Variants in FBRSL1 observed in about 807,000 individuals in gnomAD.
FBRSL1 encodes the protein fibrosin-1-like protein.
In FBRSL1, 51 loss-of-function variants were observed where a neutral mutation model predicts 89.6. That is an observed-to-expected ratio of 0.57 (90% CI 0.45 to 0.72). The LOEUF (loss-of-function observed/expected upper bound fraction) is 0.72, where lower values mean the gene tolerates loss of function less well. Among genes scored for constraint, FBRSL1 ranks in the 30% least tolerant of loss-of-function variants. FBRSL1 has a pLI of 0.00. For synonymous variants in FBRSL1, 779 were observed against 681.1 expected (o/e 1.14, Z -2.24); for missense variants, 1,618 against 1,451.8 (o/e 1.11, Z -1.86).
Position 132,581,512 on chromosome 12 carries a change from G to C in FBRSL1, c.1908G>C (p.Leu636=). 6.4e-7 allele frequency: 1 copy of C among 1,550,986 alleles called. No individual in the cohort carries two copies. The highest frequency in any genetic ancestry group is 1.2e-5 in the South Asian group (1 of 84,068). The change falls in exon 16 of 19, where the codon CTG becomes CTC. Residue 636 remains leucine, a synonymous_variant. Coordinates refer to ENST00000680143, the MANE Select transcript of FBRSL1 (RefSeq NM_001367871.1). ...GCAGCTTCCTGCCCACTGGCCCCCT[G>C]ACAGGTGGGTGTCTCTGAATTCAGC... The part of the protein sequence containing the change: ...HPGSFLPTGP[L]TDPFSRPSTF...
In FBRSL1 at chr12:132,524,336, C is replaced by T. The variant is rs373581247; in HGVS notation, c.490-1398C>T. ...GGGCCTCCTCCAGTGTGGGTGCCTG[C>T]TACTGTGCGGCTTGATGGACCTCAT... On this transcript the variant is annotated intron_variant, in intron 2 of 18. Coordinates refer to ENST00000680143, the MANE Select transcript of FBRSL1 (RefSeq NM_001367871.1). Among the ~76,000 whole-genome samples the T allele has an allele frequency of 2.9e-3, 438 of 152,372 alleles. 1 individual carries two copies. The highest frequency in any genetic ancestry group is 9.8e-3 in the African/African-American group (407 of 41,600).
intron 2 of FBRSL1, among the ~76,000 whole-genome samples, chr12:132,516,255 A>G (rs746718751): frequency 1.3e-5 from 2 of 151,516 alleles, no homozygotes; most frequent in African/African-American, 4.9e-5. Context: ...CAGTGGCACA[A>G]TGTTGCGCAA....
At chr12:132,510,351 C>T (rs1476269899) in intron 2 of FBRSL1, 6 of 1,231,712 alleles carry the variant, frequency 4.9e-6, no homozygotes, top group African/African-American at 4.7e-5. Flanking sequence ...GCTCCTGGCC[C>T]TGGGCCATCC....
chr12:132,498,805 C>T (rs2032487168), intron 1 of FBRSL1, among the ~76,000 whole-genome samples: 1 of 152,182 alleles, frequency 6.6e-6, no homozygotes, highest in Non-Finnish European at 1.5e-5. Context: ...GCTGGTGTCC[C>T]CGTGGGCCAG....
chr12:132,569,771 G>T (rs1020676982), intron 6 of FBRSL1, among the ~76,000 whole-genome samples, 155 bp from the exon 7 acceptor site: 2 of 152,156 alleles, frequency 1.3e-5, no homozygotes, highest in African/African-American at 2.4e-5. Context: ...CCAGCTAGCT[G>T]TGTGGCCTCC....
In FBRSL1 at chr12:132,507,601, G is replaced by C. The variant is rs935984735; in HGVS notation, c.292-552G>C. On this transcript the variant is annotated intron_variant, in intron 1 of 18. Coordinates refer to ENST00000680143, the MANE Select transcript of FBRSL1 (RefSeq NM_001367871.1). ...TGTCCCCAGGGTCTGGTAGCCCAAA[G>C]GTGAACACGGGGAAGCATCTCTGTC... Among the ~76,000 whole-genome samples the C allele has an allele frequency of 2.0e-5, 3 of 152,246 alleles. No individual in the cohort carries two copies. In the East Asian group the frequency reaches 5.8e-4, roughly 29 times the overall value.
chr12:132,573,667 A>AG (rs11290044), intron 11 of FBRSL1, among the ~76,000 whole-genome samples: 13 of 151,842 alleles, frequency 8.6e-5, no homozygotes, highest in African/African-American at 3.1e-4. Context: ...TCTGGGGAGG[A>AG]GGGGGCTGTG....
chr12:132,503,984 A>G (rs2033358245), intron 1 of FBRSL1, among the ~76,000 whole-genome samples: 1 of 151,856 alleles, frequency 6.6e-6, no homozygotes, highest in African/African-American at 2.4e-5. Context: ...CCCCATGGAG[A>G]GCAGCTTCTG....
At chr12:132,562,929 A>G (rs977080203) in intron 5 of FBRSL1, among the ~76,000 whole-genome samples, 1 of 152,020 alleles carries the variant, frequency 6.6e-6, no homozygotes, top group African/African-American at 2.4e-5. Flanking sequence ...ATCTGTCTGG[A>G]ATTATTTTCA....
intron 14 of FBRSL1, among the ~76,000 whole-genome samples, chr12:132,576,216 A>T (rs1490289801): frequency 7.9e-6 from 1 of 126,342 alleles, no homozygotes; most frequent in Non-Finnish European, 1.7e-5. Context: ...TTCTTGAGAT[A>T]GAGTCTCGCT....
Position 132,564,775 on chromosome 12 carries a change from G to A in FBRSL1, c.646-2706G>A, listed in dbSNP as rs1016844310. On this transcript the variant is annotated intron_variant, in intron 5 of 18. Transcript: ENST00000680143. Reference sequence around the variant, plus strand: ...CTCCCGAGTAGCTGGGACTACAGGCGCCCGCCACCACGCCCGGCTAATTTT... The same window carrying A: ...CTCCCGAGTAGCTGGGACTACAGGCACCCGCCACCACGCCCGGCTAATTTT... Among the ~76,000 whole-genome samples the A allele has an allele frequency of 5.4e-5, 6 of 110,114 alleles. 1 individual carries two copies. The highest frequency in any genetic ancestry group is 8.7e-5 in the Non-Finnish European group (5 of 57,304). 72.2% of individuals were successfully genotyped at this position (110,114 alleles called of 152,430 possible). A position where few individuals can be genotyped will look rare whatever the true frequency, so the allele number is the denominator to read the frequency against.
intron 2 of FBRSL1, among the ~76,000 whole-genome samples, chr12:132,508,705 G>A (rs933124992): frequency 1.1e-4 from 17 of 152,376 alleles, no homozygotes; most frequent in African/African-American, 3.8e-4. Context: ...TGTCTATAAG[G>A]AGGGGGTCCA....
chr12:132,558,033 C>T (rs1271857060), intron 5 of FBRSL1, among the ~76,000 whole-genome samples: 1 of 142,560 alleles, frequency 7.0e-6, no homozygotes, highest in African/African-American at 2.5e-5. Context: ...CCTCCCCTCC[C>T]CCCGCCCGTT....
intron 4 of FBRSL1, among the ~76,000 whole-genome samples, chr12:132,547,081 T>C (rs1263605977): frequency 6.6e-6 from 1 of 152,178 alleles, no homozygotes; most frequent in Non-Finnish European, 1.5e-5. Flanking sequence ...AGGGGATTTT[T>C]CCCCTTTTGA....
chr12:132,526,956 G>A (rs1334153683), intron 3 of FBRSL1, among the ~76,000 whole-genome samples: 4 of 152,154 alleles, frequency 2.6e-5, no homozygotes, highest in African/African-American at 9.7e-5. Context: ...CGAGCCAGAG[G>A]GATCCAAGGG....
At chr12:132,563,893 A>C (rs1593514076) in intron 5 of FBRSL1, among the ~76,000 whole-genome samples, 2 of 82,618 alleles carry the variant, frequency 2.4e-5, no homozygotes, top group Admixed American at 1.5e-4. Flanking sequence ...TCGCCCCTGA[A>C]CCCCCGAGCA....
At chr12:132,569,785 C>A in intron 6 of FBRSL1, 141 bp from the exon 7 acceptor site, 1 of 585,300 alleles carries the variant, frequency 1.7e-6, no homozygotes, top group Non-Finnish European at 2.6e-6. Context: ...GGCCTCCGTG[C>A]CTGCCTCCTC....
At chr12:132,514,028 G>C (rs891588943) in intron 2 of FBRSL1, among the ~76,000 whole-genome samples, 2 of 152,214 alleles carry the variant, frequency 1.3e-5, no homozygotes, top group African/African-American at 4.8e-5. Flanking sequence ...CCCAGGCCCT[G>C]CCCTGCGTGT....
intron 5 of FBRSL1, among the ~76,000 whole-genome samples, chr12:132,563,660 A>C (rs1305250547): frequency 6.6e-6 from 1 of 152,048 alleles, no homozygotes; most frequent in Non-Finnish European, 1.5e-5. Flanking sequence ...CAGTAAATGC[A>C]GCTATTTTAA....
Sources: gnomAD v4.1 joint callset for allele counts (sites outside exome capture counted in the v4.1 genomes callset) on GRCh38, gnomAD v4.1.1 for gene constraint, MANE v1.5 for transcripts, NCBI Gene and HGNC (gene_info 2026-07-23, HGNC 2026-07-21) for gene names.